Variants in FZD6 observed in about 807,000 individuals in gnomAD.
FZD6 encodes the protein frizzled class receptor 6.
Under a neutral mutation model 61.4 loss-of-function variants are expected in FZD6, and 49 were observed. The ratio of observed to expected loss-of-function variants is 0.80; its 90% CI spans 0.63 to 1.01. The LOEUF (loss-of-function observed/expected upper bound fraction) is 1.01, where lower values mean the gene tolerates loss of function less well. Among genes scored for constraint, FZD6 ranks in the 50% least tolerant of loss-of-function variants. The probability of loss-of-function intolerance (pLI) is 0.00; values close to 1 mark genes in which losing one functional copy is unlikely to be tolerated. For missense variants in FZD6, 724 were observed against 848.2 expected (o/e 0.85, Z 1.82); for synonymous variants, 265 against 292.2 (o/e 0.91, Z 0.95).
At position 103,299,953 on chromosome 8, in the gene FZD6, C is replaced by A; in HGVS notation, c.-152-3C>A. On this transcript the variant is annotated splice_region_variant and splice_polypyrimidine_tract_variant and intron_variant, in intron 1 of 6. Coordinates refer to ENST00000358755, the MANE Select transcript of FZD6 (RefSeq NM_003506.4). ...CTGATACACCCTCCTTTTGTTTTTA[C>A]AGTAATTGACCCAGGACTCATTTTC... 1 of 614,284 alleles carries A rather than the reference C, an allele frequency of 1.6e-6. No individual in the cohort carries two copies. 38.1% of individuals were successfully genotyped at this position (614,284 alleles called of 1,614,324 possible).
Position 103,299,937 on chromosome 8 carries a change from C to T in FZD6, c.-152-19C>T. ...TTTATGACAAATGTTGCTGATACAC[C>T]CTCCTTTTGTTTTTACAGTAATTGA... is the stretch of plus-strand genomic sequence containing the variant. On this transcript the variant is annotated intron_variant, in intron 1 of 6. Transcript: ENST00000358755. The T allele has an allele frequency of 3.4e-6, 2 of 590,552 alleles. No homozygotes were observed. The highest frequency in any genetic ancestry group is 6.1e-6 in the Non-Finnish European group (2 of 327,864). 36.6% of individuals were successfully genotyped at this position (590,552 alleles called of 1,614,324 possible). A position where few individuals can be genotyped will look rare whatever the true frequency, so the allele number is the denominator to read the frequency against.
chr8:103,312,052 T>C (rs1309569303), intron 2 of FZD6, among the ~76,000 whole-genome samples: 1 of 152,206 alleles, frequency 6.6e-6, no homozygotes, highest in Non-Finnish European at 1.5e-5. Flanking sequence ...GTATTTTGAT[T>C]CTCATTTTTC....
intron 2 of FZD6, among the ~76,000 whole-genome samples, chr8:103,305,325 G>GA (rs1284642177): frequency 6.6e-6 from 1 of 151,712 alleles, no homozygotes; most frequent in Non-Finnish European, 1.5e-5. Flanking sequence ...TGGGCCAAAA[G>GA]AAAAAAAACA....
intron 6 of FZD6, among the ~76,000 whole-genome samples, chr8:103,331,004 C>T (rs931029118): frequency 1.1e-4 from 16 of 152,134 alleles, no homozygotes; most frequent in South Asian, 2.1e-4. Context: ...GGTGAAACCC[C>T]ATCTCTACTG....
At chr8:103,326,682 G>C (rs1814960217) in intron 4 of FZD6, among the ~76,000 whole-genome samples, 1 of 135,880 alleles carries the variant, frequency 7.4e-6, no homozygotes, top group African/African-American at 2.8e-5. Flanking sequence ...TTTTTTTAAA[G>C]ATTCTGCGTG....
chr8:103,324,763 T>G lies in FZD6; in HGVS notation c.657T>G (p.Thr219=), dbSNP rs368892362. 1.2e-6 allele frequency: 2 copies of G among 1,613,936 alleles called. No individual in the cohort carries two copies. Among genetic ancestry groups the G allele is most frequent in the Non-Finnish European group, 1.7e-6 (2 of 1,179,800 alleles). Residue 219 remains threonine (T), a synonymous_variant, in exon 4 of 7, where the codon ACT becomes ACG. Coordinates refer to ENST00000358755, the MANE Select transcript of FZD6 (RefSeq NM_003506.4). ...GTGCAACTCTGTTCACATTCCTTAC[T>G]TTTTTAATTGATGTTAGAAGATTCA... ...CLCATLFTFL[T]FLIDVRRFRY...
intron 6 of FZD6, among the ~76,000 whole-genome samples, chr8:103,330,318 T>G (rs1815085182): frequency 1.3e-5 from 2 of 152,228 alleles, no homozygotes; most frequent in African/African-American, 4.8e-5. Context: ...CTTGTACATT[T>G]AAGTAAATGC....
At chr8:103,307,725 T>G (rs769180841) in intron 2 of FZD6, 2 of 455,830 alleles carry the variant, frequency 4.4e-6, no homozygotes, top group South Asian at 3.1e-5. Context: ...GTGTGTTTTT[T>G]TTTTTTCATG....
chr8:103,330,181 C>T (rs1035903612), intron 6 of FZD6, 116 bp downstream of exon 6: 1 of 955,418 alleles, frequency 1.0e-6, no homozygotes, highest in Non-Finnish European at 1.6e-6. Flanking sequence ...TGTACTCTTA[C>T]CCCAAGGAAG....
rs1341985834 is a variant in FZD6 at position 103,328,424 on chromosome 8, A to T, written c.1541+8A>T. ...ACGAAATCGCAAGAGAGAGTAAGAA[A>T]CTATTGAATTGTCTGACACAATTTT... On this transcript the variant is annotated splice_region_variant and intron_variant, in intron 5 of 6. Transcript: ENST00000358755. 2.5e-6 allele frequency: 4 copies of T among 1,600,292 alleles called. No individual in the cohort carries two copies. Among genetic ancestry groups the T allele is most frequent in the Non-Finnish European group, 3.4e-6 (4 of 1,167,634 alleles).
chr8:103,301,289 T>C (rs1814163047), intron 2 of FZD6, among the ~76,000 whole-genome samples: 1 of 152,160 alleles, frequency 6.6e-6, no homozygotes, highest in African/African-American at 2.4e-5. Context: ...ATAGTACAGA[T>C]TATATTATTG....
At chr8:103,305,116 T>A (rs998676183) in intron 2 of FZD6, among the ~76,000 whole-genome samples, 1 of 152,250 alleles carries the variant, frequency 6.6e-6, no homozygotes, top group East Asian at 1.9e-4. Context: ...GTTTCATATC[T>A]AGAGCATTGT....
intron 2 of FZD6, among the ~76,000 whole-genome samples, chr8:103,305,958 T>C (rs1814318903): frequency 6.6e-6 from 1 of 152,240 alleles, no homozygotes; most frequent in South Asian, 2.1e-4. Context: ...TTTATTACTC[T>C]AGGTTATATA....
chr8:103,304,590 A>C (rs1814276702), intron 2 of FZD6, among the ~76,000 whole-genome samples: 1 of 152,236 alleles, frequency 6.6e-6, no homozygotes, highest in Non-Finnish European at 1.5e-5. Context: ...CGTCACAGCT[A>C]TTCAACTTTG....
rs1004883584 is a variant in FZD6, at chr8:103,325,117, C to T, written c.1011C>T (p.Phe337=). The T allele has an allele frequency of 6.2e-7, 1 of 1,614,054 alleles. No individual in the cohort carries two copies. The highest frequency in any genetic ancestry group is 1.7e-5 in the Admixed American group (1 of 59,996). ...CTGTTGCATGGGGAACACCAGGTTTCCTGACTGTTATGCTTCTTGCTATGA... is the reference window on the plus strand; with the variant it reads ...CTGTTGCATGGGGAACACCAGGTTTTCTGACTGTTATGCTTCTTGCTATGA... ...FHAVAWGTPG[F]LTVMLLAMNK... The change falls in exon 4 of 7, where the codon TTC becomes TTT. Residue 337 remains phenylalanine, a synonymous_variant. Transcript: ENST00000358755.
In FZD6 at chr8:103,328,295, G is replaced by T; in HGVS notation, c.1420G>T (p.Ala474Ser). The stretch of plus-strand genomic sequence containing the variant: ...AAAAGCAAAAGCTCGACCAGAATTG[G>T]CTTTATTTATGATAAAATACCTGAT... ...QAKAKARPEL[A>S]LFMIKYLMTL... Residue 474 changes from alanine (A) to serine (S), a missense_variant, in exon 5 of 7, where the codon GCT becomes TCT. Physicochemically the swap from Ala to Ser is moderately conservative, Grantham distance 99 (BLOSUM62 1). Coordinates refer to ENST00000358755, the MANE Select transcript of FZD6 (RefSeq NM_003506.4). 6.2e-7 allele frequency: 1 copy of T among 1,611,962 alleles called. No homozygotes were observed. The highest frequency in any genetic ancestry group is 8.5e-7 in the Non-Finnish European group (1 of 1,178,196).
intron 3 of FZD6, among the ~76,000 whole-genome samples, chr8:103,322,683 G>T (rs369872754): frequency 6.6e-6 from 1 of 152,124 alleles, no homozygotes; most frequent in Admixed American, 6.6e-5. Flanking sequence ...AAAGAAACTG[G>T]TTAGCTTTTT....
chr8:103,315,586 T>G (rs1212122359), intron 2 of FZD6, among the ~76,000 whole-genome samples: 2 of 152,126 alleles, frequency 1.3e-5, no homozygotes, highest in Non-Finnish European at 2.9e-5. Context: ...GCAGATCAGT[T>G]GTTGTCAGGC....
rs1419491849 is a variant in FZD6 at position 103,325,511 on chromosome 8, A to C, written c.1392+13A>C. 6.3e-7 allele frequency: 1 copy of C among 1,577,406 alleles called. No individual in the cohort carries two copies. ...ATGTCCTTATCAGGTAAAAGCTATC[A>C]CTTGGATTATGTCTCTATTTACATT... On this transcript the variant is annotated intron_variant, in intron 4 of 6. Transcript: ENST00000358755.
Sources: allele counts gnomAD v4.1 joint callset (sites outside exome capture counted in the v4.1 genomes callset), GRCh38; gene constraint gnomAD v4.1.1; transcripts MANE v1.5; gene names NCBI Gene and HGNC (gene_info 2026-07-23, HGNC 2026-07-21).